COL28A1: variants seen among roughly 807,000 people sequenced by gnomAD.
COL28A1 encodes the protein collagen alpha-1(XXVIII) chain.
In COL28A1, 161 loss-of-function variants were observed where a neutral mutation model predicts 150.2. The observed-to-expected ratio is 1.07, with a 90% CI of 0.94 to 1.22. The LOEUF is 1.22. Among genes scored for constraint, COL28A1 ranks in the 50% most tolerant of loss-of-function variants. COL28A1 has a pLI of 0.00. For synonymous variants in COL28A1, 552 were observed against 469.7 expected, an observed-to-expected ratio of 1.18 and a Z score of -2.26; for missense variants, 1,617 against 1,388.3, an observed-to-expected ratio of 1.16 and a Z score of -2.62.
chr7:7,423,911 AC>A (rs1784511369), intron 25 of COL28A1, among the ~76,000 whole-genome samples: 1 of 152,154 alleles, frequency 6.6e-6, no homozygotes, highest in African/African-American at 2.4e-5. Flanking sequence ...CCCTGTAGAT[AC>A]CTTACTGTTC....
rs1781317422 is a variant in COL28A1, at chr7:7,373,022, A to G, written c.2884T>C (p.Phe962Leu). Residue 962 changes from phenylalanine (F) to leucine (L), a missense_variant, in exon 32 of 35, where the codon TTT (phenylalanine) becomes CTT (leucine). By Grantham distance (22) the Phe-to-Leu change is conservative. Coordinates refer to ENST00000399429, the MANE Select transcript of COL28A1 (RefSeq NM_001037763.3). This position sits in a 1 kb window ranked among gnomAD's most constrained non-coding sequence, Gnocchi z 4.1. ...IATDPEHVYQ[F>L]DDFFTLQDTL... ...CCTTGCAGGGTAAAGAAATCATCAA[A>G]CTGGTAAACATGCTCTGGGTCAGTA... The G allele has an allele frequency of 6.2e-7, 1 of 1,613,772 alleles. No individual in the cohort carries two copies.
chr7:7,395,234 C>T (rs1782770071), intron 27 of COL28A1, among the ~76,000 whole-genome samples: 1 of 152,110 alleles, frequency 6.6e-6, no homozygotes, highest in Admixed American at 6.6e-5. Flanking sequence ...CAGAGTTCTG[C>T]AGTGAGCCAA....
the COL28A1 span, among the ~76,000 whole-genome samples, chr7:7,341,216 CT>C: frequency 3.3e-5 from 5 of 152,228 alleles, no homozygotes; most frequent in African/African-American, 1.2e-4. Context: ...TGCCCGATCT[CT>C]TTTTTTCCTC....
At position 7,432,530 on chromosome 7, in the gene COL28A1, T is replaced by G. The variant is rs151023568; in HGVS notation, c.1941A>C (p.Gly647=). 1,073 of 1,614,028 alleles carry G rather than the reference T, an allele frequency of 6.6e-4. 13 individuals carry two copies. The East Asian group carries it at 0.021, about 32-fold the overall frequency. ...CCATCGGCCCAGGGGGTCCTGGTAA[T>G]CCACGAGGTCCCTGAGATGACACAG... ...DGYPGVPGPR[G]LPGPPGPMGL... Residue 647 remains glycine, a synonymous_variant, in exon 25 of 35, where the codon GGA becomes GGC. Transcript: ENST00000399429.
At chr7:7,429,431 TACAC>T (rs1157334233) in intron 25 of COL28A1, among the ~76,000 whole-genome samples, 1 of 102,584 alleles carries the variant, frequency 9.7e-6, no homozygotes, top group Non-Finnish European at 1.9e-5. Flanking sequence ...CTCTCTCACA[TACAC>T]ACACACTCTC....
chr7:7,421,006 T>A (rs1227924934), intron 25 of COL28A1, among the ~76,000 whole-genome samples: 10 of 152,046 alleles, frequency 6.6e-5, no homozygotes, highest in African/African-American at 2.2e-4. Flanking sequence ...CCAAAGAAAA[T>A]AAAAATGTAT....
At chr7:7,351,803 A>G (rs554717704), downstream of COL28A1, among the ~76,000 whole-genome samples, 1 of 152,080 alleles carries the variant, frequency 6.6e-6, no homozygotes, top group East Asian at 1.9e-4. Flanking sequence ...GGGGCTATAA[A>G]CCAAAAATAA....
Position 7,455,934 on chromosome 7 carries a change from A to C in COL28A1, c.1371+110T>G, listed in dbSNP as rs533941405. On this transcript the variant is annotated intron_variant, in intron 16 of 34. Transcript: ENST00000399429. ...CACTTCTGGACTTATACTCCACTGCAATTAACTGTCAAATATACTCATAGA... is the reference window on the plus strand; with the variant it reads ...CACTTCTGGACTTATACTCCACTGCCATTAACTGTCAAATATACTCATAGA... The C allele has an allele frequency of 7.7e-6, 11 of 1,427,874 alleles. No individual in the cohort carries two copies. In the South Asian group the frequency reaches 1.5e-4, roughly 20 times the overall value. The allele number at this position is 1,427,874 out of a possible 1,614,324, so 88.5% of individuals were successfully genotyped here. A position where few individuals can be genotyped will look rare whatever the true frequency, so the allele number is the denominator to read the frequency against.
intron 27 of COL28A1, among the ~76,000 whole-genome samples, chr7:7,414,620 C>A (rs767761753): frequency 6.6e-6 from 1 of 152,160 alleles, no homozygotes; most frequent in Non-Finnish European, 1.5e-5. Flanking sequence ...GAAAGAAGTT[C>A]CCAGAAGATC....
intron 11 of COL28A1, among the ~76,000 whole-genome samples, chr7:7,499,598 T>C (rs1780410943): frequency 6.6e-6 from 1 of 152,226 alleles, no homozygotes; most frequent in African/African-American, 2.4e-5. Context: ...CTGTTACAAA[T>C]CATGACTTTT....
chr7:7,389,255 T>C (rs1341950147), intron 27 of COL28A1, among the ~76,000 whole-genome samples: 2 of 152,198 alleles, frequency 1.3e-5, no homozygotes, highest in African/African-American at 4.8e-5. Context: ...AAATAGGAAA[T>C]CCTTTCCTCA....
At chr7:7,459,879 T>C (rs555010661) in intron 15 of COL28A1, among the ~76,000 whole-genome samples, 1 of 152,330 alleles carries the variant, frequency 6.6e-6, no homozygotes, top group South Asian at 2.1e-4. Flanking sequence ...TACTCCATAA[T>C]TATATCTGAG....
At chr7:7,406,843 C>T (rs147646544) in intron 27 of COL28A1, among the ~76,000 whole-genome samples, 441 of 151,982 alleles carry the variant, frequency 2.9e-3, no homozygotes, top group African/African-American at 9.0e-3. Context: ...TTACAACATA[C>T]CAGATTAGTG....
chr7:7,527,170 T>C (rs1189680670), intron 3 of COL28A1, among the ~76,000 whole-genome samples: 2 of 152,174 alleles, frequency 1.3e-5, no homozygotes, highest in Non-Finnish European at 2.9e-5. Context: ...GAAACAAAAA[T>C]GAACCCAAAA....
At chr7:7,443,534 G>A in intron 20 of COL28A1, 51 bp downstream of exon 20, 1 of 1,606,422 alleles carries the variant, frequency 6.2e-7, no homozygotes, top group Non-Finnish European at 8.5e-7. Context: ...TGGCTCCTCA[G>A]TATGAGGACC....
the COL28A1 span, among the ~76,000 whole-genome samples, chr7:7,541,369 A>G: frequency 6.6e-6 from 1 of 152,190 alleles, no homozygotes; most frequent in African/African-American, 2.4e-5. Flanking sequence ...TAAATTCTAC[A>G]CAGAAATAAA....
At chr7:7,481,460 T>C (rs1789377959) in intron 13 of COL28A1, among the ~76,000 whole-genome samples, 1 of 152,200 alleles carries the variant, frequency 6.6e-6, no homozygotes, top group African/African-American at 2.4e-5. Context: ...GTTTAATTTA[T>C]TAAGATAGTA....
At chr7:7,542,620 A>C in the COL28A1 span, among the ~76,000 whole-genome samples, 3 of 152,258 alleles carry the variant, frequency 2.0e-5, no homozygotes, top group Admixed American at 6.5e-5. Context: ...GCAGGAGCAG[A>C]GGATAAACAG....
chr7:7,359,858 CATTTTAAAGATAA>C, intron 34 of COL28A1, among the ~76,000 whole-genome samples: 1 of 152,148 alleles, frequency 6.6e-6, no homozygotes, highest in Non-Finnish European at 1.5e-5. Flanking sequence ...TTGTGTAATT[CATTTTAAAGATAA>C]TCTAAACTTT....
Sources: gnomAD v4.1 joint callset for allele counts (sites outside exome capture counted in the v4.1 genomes callset) on GRCh38, gnomAD v4.1.1 for gene constraint, Gnocchi (gnomAD v3.1) non-coding constraint, MANE v1.5 for transcripts, NCBI Gene and HGNC (gene_info 2026-07-23, HGNC 2026-07-21) for gene names.